Variants in CALN1 observed in about 807,000 individuals in gnomAD.
CALN1 encodes calneuron 1.
In CALN1, 17 loss-of-function variants were observed where a neutral mutation model predicts 30.6. The ratio of observed to expected loss-of-function variants is 0.56; its 90% confidence interval spans 0.38 to 0.83. The LOEUF is 0.83. Ranked by LOEUF, CALN1 falls within the 40% of genes least tolerant of loss-of-function variation. CALN1 has a pLI of 0.00. For synonymous variants in CALN1, 156 were observed against 131.4 expected (o/e 1.19, Z -1.28); for missense variants, 291 against 354.9 (o/e 0.82, Z 1.45).
chr7:71,982,581 T>G (rs1054280934), intron 5 of CALN1, among the ~76,000 whole-genome samples: 1 of 151,672 alleles, frequency 6.6e-6, no homozygotes, highest in African/African-American at 2.4e-5. Flanking sequence ...GCCATAGGAG[T>G]GAAACTCTGT....
At chr7:72,494,019 G>A in the CALN1 span, among the ~76,000 whole-genome samples, 1 of 152,092 alleles carries the variant, frequency 6.6e-6, no homozygotes, top group Admixed American at 6.6e-5. Flanking sequence ...GAGAGACCTC[G>A]TCTCCACAGA....
At chr7:71,796,273 T>TA (rs1421374210) in intron 6 of CALN1, among the ~76,000 whole-genome samples, 5 of 152,182 alleles carry the variant, frequency 3.3e-5, no homozygotes, top group Non-Finnish European at 2.9e-5. Context: ...TGCACATGTT[T>TA]ACATGTCAAT....
chr7:71,991,027 T>C (rs374306067), intron 5 of CALN1, among the ~76,000 whole-genome samples: 2 of 138,346 alleles, frequency 1.4e-5, no homozygotes, highest in African/African-American at 5.7e-5. Flanking sequence ...TGAATTCAGA[T>C]GGAAAAGGTA....
At chr7:72,135,537 C>T (rs546637770) in intron 3 of CALN1, among the ~76,000 whole-genome samples, 1 of 152,266 alleles carries the variant, frequency 6.6e-6, no homozygotes, top group South Asian at 2.1e-4. Flanking sequence ...TGAAAGGAGT[C>T]TTTTCTTCTG....
At chr7:72,004,438 GA>G (rs1799670686) in intron 5 of CALN1, among the ~76,000 whole-genome samples, 1 of 151,990 alleles carries the variant, frequency 6.6e-6, no homozygotes, top group Admixed American at 6.5e-5. Flanking sequence ...ACTTTTAGAA[GA>G]AAAAAATAGG....
intron 5 of CALN1, among the ~76,000 whole-genome samples, chr7:71,974,854 C>T (rs765727824): frequency 3.3e-5 from 5 of 152,150 alleles, no homozygotes; most frequent in Non-Finnish European, 7.3e-5. Context: ...CAATTCCGCT[C>T]GGATTAGCAA....
At chr7:72,377,435 T>C (rs1284951952) in intron 2 of CALN1, among the ~76,000 whole-genome samples, 1 of 80,940 alleles carries the variant, frequency 1.2e-5, no homozygotes, top group African/African-American at 4.8e-5. Context: ...GGCCACACTT[T>C]CGTGTGTGTG....
chr7:72,309,193 G>A (rs373654531), intron 2 of CALN1, among the ~76,000 whole-genome samples: 2 of 152,080 alleles, frequency 1.3e-5, no homozygotes, highest in South Asian at 2.1e-4. Flanking sequence ...TCTACGGGAG[G>A]GAGACTATTC....
chr7:72,433,573 G>A (rs557151960), intron 1 of CALN1, among the ~76,000 whole-genome samples: 7 of 152,110 alleles, frequency 4.6e-5, no homozygotes, highest in Non-Finnish European at 7.4e-5. Flanking sequence ...AGAAACACCC[G>A]AGCACAGTGG....
intron 3 of CALN1, among the ~76,000 whole-genome samples, chr7:72,277,454 A>G (rs567171419): frequency 2.0e-5 from 3 of 152,188 alleles, no homozygotes; most frequent in Admixed American, 2.0e-4. Flanking sequence ...GTCTTTGTCC[A>G]GACCACAGTG....
At chr7:72,077,844 T>C (rs187640681) in intron 4 of CALN1, among the ~76,000 whole-genome samples, 26 of 152,326 alleles carry the variant, frequency 1.7e-4, no homozygotes, top group Non-Finnish European at 8.8e-5. Flanking sequence ...TCCAGCAAGA[T>C]GCTTTCCTTC....
chr7:72,071,721 A>T (rs965926174), intron 4 of CALN1, among the ~76,000 whole-genome samples: 1 of 152,262 alleles, frequency 6.6e-6, no homozygotes, highest in African/African-American at 2.4e-5. Context: ...AAACGTCACA[A>T]GACATACAAA....
chr7:72,391,597 T>G (rs1331545002), intron 2 of CALN1, among the ~76,000 whole-genome samples: 1 of 151,940 alleles, frequency 6.6e-6, no homozygotes, highest in African/African-American at 2.4e-5. Context: ...AGAGACCCAG[T>G]GGGAGATAAT....
intron 3 of CALN1, among the ~76,000 whole-genome samples, chr7:72,120,984 G>C (rs951130178): frequency 6.6e-6 from 1 of 151,664 alleles, no homozygotes; most frequent in Non-Finnish European, 1.5e-5. Context: ...GGTTTGAGTG[G>C]GGAGAAAGCT....
chr7:72,071,415 C>G (rs1053458464), intron 4 of CALN1, among the ~76,000 whole-genome samples: 3 of 152,122 alleles, frequency 2.0e-5, no homozygotes, highest in Non-Finnish European at 4.4e-5. Context: ...TATTTTCCCC[C>G]GTTTCATTTT....
chr7:72,402,623 CG>C (rs1411171897), intron 2 of CALN1, among the ~76,000 whole-genome samples: 1 of 152,056 alleles, frequency 6.6e-6, no homozygotes, highest in African/African-American at 2.4e-5. Flanking sequence ...TGAGGGTCTC[CG>C]AGGAAAAGAA....
In CALN1 at chr7:72,147,915, AG is replaced by A. The variant is rs2129543906; in HGVS notation, c.245-41622del. Among the ~76,000 whole-genome samples the A allele has an allele frequency of 3.1e-5, 4 of 128,740 alleles. No homozygotes were observed. The East Asian group carries it at 1.0e-3, about 32-fold the overall frequency. 84.5% of individuals were successfully genotyped at this position (128,740 alleles called of 152,430 possible). On this transcript the variant is annotated intron_variant, in intron 3 of 6. Coordinates refer to ENST00000395275, the MANE Select transcript of CALN1 (RefSeq NM_031468.4). ...TTGAACATTGACAACACTTGGACAC[AG>A]GAAGGGGGACATCACACACCAGGGC...
At chr7:72,109,482 C>T (rs1807407932) in intron 3 of CALN1, among the ~76,000 whole-genome samples, 2 of 152,216 alleles carry the variant, frequency 1.3e-5, no homozygotes, top group East Asian at 1.9e-4. Flanking sequence ...ACACCTCCTC[C>T]CCTTTCTTTC....
chr7:72,071,355 C>CA (rs1207780064), intron 4 of CALN1, among the ~76,000 whole-genome samples: 1 of 152,180 alleles, frequency 6.6e-6, no homozygotes, highest in African/African-American at 2.4e-5. Flanking sequence ...ACCCCACCCC[C>CA]AACCCTGCCC....
Sources: gnomAD v4.1 joint callset for allele counts (sites outside exome capture counted in the v4.1 genomes callset) on GRCh38, gnomAD v4.1.1 for gene constraint, MANE v1.5 for transcripts, NCBI Gene and HGNC (gene_info 2026-07-23, HGNC 2026-07-21) for gene names.